The following TNFSF10 variants were observed in gnomAD, a reference collection of about 807,000 sequenced individuals.
The protein encoded by TNFSF10 is TNF superfamily member 10.
TNFSF10 carries 13 observed loss-of-function variants against 29.5 expected under a neutral mutation model. That is an observed-to-expected ratio of 0.44 (90% confidence interval 0.29 to 0.70). TNFSF10 has a LOEUF of 0.70. Ranked by LOEUF, TNFSF10 falls within the 30% of genes least tolerant of loss-of-function variation. TNFSF10 has a pLI of 0.13. For missense variants in TNFSF10, 345 were observed against 330.9 expected, an observed-to-expected ratio of 1.04 and a Z score of -0.33; for synonymous variants, 111 against 112.8, an observed-to-expected ratio of 0.98 and a Z score of 0.10.
At chr3:172,518,715 T>A (rs1292441869) in intron 1 of TNFSF10, among the ~76,000 whole-genome samples, 2 of 152,294 alleles carry the variant, frequency 1.3e-5, no homozygotes, top group Admixed American at 6.5e-5. Flanking sequence ...CCTTGCAGAG[T>A]GTATCTTCTG....
intron 2 of TNFSF10, among the ~76,000 whole-genome samples, chr3:172,513,431 A>G (rs1577012117): frequency 6.6e-6 from 1 of 152,366 alleles, no homozygotes; most frequent in East Asian, 1.9e-4. Context: ...CAGTGGTGGA[A>G]TCATAGCTGC....
At chr3:172,522,395 T>A (rs772561989) in intron 1 of TNFSF10, 69 of 1,517,910 alleles carry the variant, frequency 4.5e-5, no homozygotes, top group Non-Finnish European at 6.1e-5. Flanking sequence ...CTGTTGCTAC[T>A]GCTGTGGAAC....
At chr3:172,511,098 T>C (rs1713201476) in intron 3 of TNFSF10, among the ~76,000 whole-genome samples, 1 of 152,084 alleles carries the variant, frequency 6.6e-6, no homozygotes, top group Non-Finnish European at 1.5e-5. Context: ...AGAAGGCTGC[T>C]GACCATGAAC....
At chr3:172,522,632 G>T (rs548337354) in intron 1 of TNFSF10, among the ~76,000 whole-genome samples, 1 of 152,142 alleles carries the variant, frequency 6.6e-6, no homozygotes, top group Non-Finnish European at 1.5e-5. Flanking sequence ...ATATAAAAAA[G>T]GAAGTTTACA....
At chr3:172,518,216 C>T in intron 1 of TNFSF10, 2 of 1,116,048 alleles carry the variant, frequency 1.8e-6, no homozygotes, top group Non-Finnish European at 2.2e-6. Context: ...ATTTGCGTGC[C>T]TCTGAAAAGA....
At chr3:172,516,660 G>C (rs780124558) in intron 1 of TNFSF10, among the ~76,000 whole-genome samples, 2 of 152,146 alleles carry the variant, frequency 1.3e-5, no homozygotes, top group Non-Finnish European at 2.9e-5. Flanking sequence ...AGTATATGTA[G>C]TTGGAGGTGA....
At position 172,506,906 on chromosome 3, in the gene TNFSF10, T is replaced by C. The variant is rs1713012223; in HGVS notation, c.432A>G (p.Glu144=). Reference sequence around the variant, plus strand: ...AGTTTATTTTGCGGCCCAGAGCCTTTTCATTCTTGGAGTCTGTAGGAAATT... The same window carrying C: ...AGTTTATTTTGCGGCCCAGAGCCTTCTCATTCTTGGAGTCTGTAGGAAATT... ...NTLSSPNSKN[E]KALGRKINSW... Residue 144 remains glutamate (E), a synonymous_variant, in exon 5 of 5, where the codon GAA becomes GAG. Transcript: ENST00000241261. 1 of 1,602,028 alleles carries C rather than the reference T, an allele frequency of 6.2e-7. No homozygotes were observed. The highest frequency in any genetic ancestry group is 1.8e-5 in the Admixed American group (1 of 57,120).
intron 4 of TNFSF10, among the ~76,000 whole-genome samples, chr3:172,508,749 C>T (rs978235367): frequency 6.6e-6 from 1 of 151,822 alleles, no homozygotes; most frequent in African/African-American, 2.4e-5. Flanking sequence ...ATTAGCCAGG[C>T]GTGGAGCTGC....
chr3:172,511,217 C>T (rs1272610288), intron 3 of TNFSF10, among the ~76,000 whole-genome samples: 1 of 152,112 alleles, frequency 6.6e-6, no homozygotes, highest in Admixed American at 6.6e-5. Context: ...AAAGAAAGAC[C>T]TGGAGCCCAG....
intron 1 of TNFSF10, among the ~76,000 whole-genome samples, chr3:172,521,023 C>G (rs1410238970): frequency 6.6e-6 from 1 of 152,120 alleles, no homozygotes; most frequent in Non-Finnish European, 1.5e-5. Flanking sequence ...AAACTGGGCC[C>G]CTTCCTTACA....
chr3:172,510,545 G>C (rs2108445535), intron 3 of TNFSF10, among the ~76,000 whole-genome samples: 1 of 152,250 alleles, frequency 6.6e-6, no homozygotes, highest in Non-Finnish European at 1.5e-5. Flanking sequence ...TCCCAAAAAA[G>C]AAACCTGCAA....
chr3:172,520,222 A>G (rs1374943025), intron 1 of TNFSF10, among the ~76,000 whole-genome samples: 1 of 152,250 alleles, frequency 6.6e-6, no homozygotes, highest in Non-Finnish European at 1.5e-5. Context: ...AGAAAATCAT[A>G]AATTAAAATA....
chr3:172,521,470 T>C lies in TNFSF10; in HGVS notation c.132+1783A>G, dbSNP rs966751302. 2.9e-4 allele frequency among the ~76,000 whole-genome samples: 44 copies of C among 152,282 alleles called. 1 individual carries two copies. Among genetic ancestry groups the C allele is most frequent in the African/African-American group, 1.0e-3 (43 of 41,554 alleles). ...AAAAAAAGCTCATCATCACTGGTCA[T>C]TAGAGAAATGCAAATCAAAACCATA... On this transcript the variant is annotated intron_variant, in intron 1 of 4. Transcript: ENST00000241261.
chr3:172,517,355 G>C (rs1056549117), intron 1 of TNFSF10: 2 of 985,400 alleles, frequency 2.0e-6, no homozygotes, highest in South Asian at 4.7e-5. Context: ...GAGGTGGAAG[G>C]AACCTGGAAA....
intron 3 of TNFSF10, among the ~76,000 whole-genome samples, chr3:172,510,106 A>G (rs921170477): frequency 4.6e-5 from 7 of 152,172 alleles, no homozygotes; most frequent in African/African-American, 1.4e-4. Context: ...GTGCTAGGGT[A>G]AGGCACTACA....
intron 1 of TNFSF10, chr3:172,522,549 T>C (rs898552964): frequency 6.7e-5 from 37 of 554,654 alleles, no homozygotes; most frequent in African/African-American, 6.0e-4. Flanking sequence ...ATTGAGGAAA[T>C]AGACTCTTTT....
At chr3:172,516,839 A>T (rs1713457493) in intron 1 of TNFSF10, among the ~76,000 whole-genome samples, 1 of 152,194 alleles carries the variant, frequency 6.6e-6, no homozygotes. Flanking sequence ...ATATGAGAGC[A>T]TGTCTAGCAA....
At chr3:172,509,644 G>A (rs1377877682) in intron 3 of TNFSF10, among the ~76,000 whole-genome samples, 4 of 152,174 alleles carry the variant, frequency 2.6e-5, no homozygotes, top group African/African-American at 9.7e-5. Context: ...TATAAATAAA[G>A]AAATAGCTGT....
rs1713180769 is a variant in TNFSF10, at chr3:172,510,598, G to GTTGT, written c.313+1015_313+1018dup. On this transcript the variant is annotated intron_variant, in intron 3 of 4. Coordinates refer to ENST00000241261, the MANE Select transcript of TNFSF10 (RefSeq NM_003810.4). The stretch of plus-strand genomic sequence containing the variant: ...CCATGGATATATCTTGGTATACAGA[G>GTTGT]TTGTGTTTCACCTTACTGGGATGAA... Among the ~76,000 whole-genome samples, 7 of 152,200 alleles carry GTTGT rather than the reference G, an allele frequency of 4.6e-5. No individual in the cohort carries two copies. In the South Asian group the frequency reaches 1.4e-3, roughly 32 times the overall value.
Sources: gnomAD v4.1 joint callset for allele counts (sites outside exome capture counted in the v4.1 genomes callset) on GRCh38, gnomAD v4.1.1 for gene constraint, MANE v1.5 for transcripts, NCBI Gene and HGNC (gene_info 2026-07-23, HGNC 2026-07-21) for gene names.